PREX2: variants seen among roughly 807,000 people sequenced by gnomAD.
PREX2 encodes the protein phosphatidylinositol 3,4,5-trisphosphate-dependent Rac exchanger 2 protein.
Under a neutral mutation model 203.2 loss-of-function variants are expected in PREX2, and 107 were observed. The ratio of observed to expected loss-of-function variants is 0.53; its 90% confidence interval spans 0.45 to 0.62. PREX2 has a LOEUF of 0.62. PREX2 is among the 20% of genes least tolerant of loss of function. The probability of loss-of-function intolerance (pLI) is 0.00; values close to 1 mark genes in which losing one functional copy is unlikely to be tolerated. For missense variants in PREX2, 1,777 were observed against 1,955.9 expected (o/e 0.91, Z 1.72); for synonymous variants, 672 against 663.6 (o/e 1.01, Z -0.19).
chr8:68,190,847 T>C (rs1812278835), intron 35 of PREX2, among the ~76,000 whole-genome samples: 1 of 151,980 alleles, frequency 6.6e-6, no homozygotes. Flanking sequence ...AAAATGTAAC[T>C]ATTTTATCTC....
At chr8:68,153,779 A>G (rs1811489417) in intron 34 of PREX2, among the ~76,000 whole-genome samples, 1 of 152,164 alleles carries the variant, frequency 6.6e-6, no homozygotes. Context: ...ACAACCCTAT[A>G]CATGTGACAC....
chr8:68,183,914 T>C (rs531570400), intron 35 of PREX2, among the ~76,000 whole-genome samples: 1 of 152,204 alleles, frequency 6.6e-6, no homozygotes, highest in East Asian at 1.9e-4. Context: ...TTCTAGCAGG[T>C]TTTTTAAACA....
chr8:68,007,133 T>A (rs1807120071), intron 1 of PREX2, among the ~76,000 whole-genome samples: 1 of 152,246 alleles, frequency 6.6e-6, no homozygotes, highest in East Asian at 1.9e-4. Flanking sequence ...GGCAGCTATT[T>A]GATTCGTGAA....
At chr8:68,223,941 G>A (rs1036852435) in intron 38 of PREX2, among the ~76,000 whole-genome samples, 1 of 152,196 alleles carries the variant, frequency 6.6e-6, no homozygotes, top group South Asian at 2.1e-4. Flanking sequence ...TTCCAGAAAA[G>A]TGGTAACACA....
intron 1 of PREX2, among the ~76,000 whole-genome samples, chr8:67,988,689 G>C (rs1806508294): frequency 1.3e-5 from 2 of 152,180 alleles, no homozygotes; most frequent in Non-Finnish European, 2.9e-5. Flanking sequence ...TGGAGTCTTG[G>C]GCGTAAGTTA....
At chr8:68,052,368 T>G (rs144941747) in intron 8 of PREX2, among the ~76,000 whole-genome samples, 15 of 152,350 alleles carry the variant, frequency 9.8e-5, no homozygotes, top group African/African-American at 3.6e-4. Flanking sequence ...AGACAGCTAC[T>G]GTATAGGGTT....
intron 34 of PREX2, among the ~76,000 whole-genome samples, chr8:68,152,086 G>A (rs1326348741): frequency 2.0e-5 from 3 of 151,420 alleles, no homozygotes; most frequent in Admixed American, 6.6e-5. Context: ...TCAGGAAATC[G>A]TAGCCATCCT....
Position 67,952,723 on chromosome 8 carries a change from G to A in PREX2, c.141+188G>A, listed in dbSNP as rs1179914382. On this transcript the variant is annotated intron_variant, in intron 1 of 39. Transcript: ENST00000288368. ...CGGTGACCCCCGCGGGGATTTGTTGGTGCCCCGAGACTCACTGAGTTGCGG... is the reference window on the plus strand; with the variant it reads ...CGGTGACCCCCGCGGGGATTTGTTGATGCCCCGAGACTCACTGAGTTGCGG... The A allele has an allele frequency of 3.9e-6, 3 of 771,854 alleles. No individual in the cohort carries two copies. The East Asian group carries it at 8.3e-5, about 21-fold the overall frequency. 47.8% of individuals were successfully genotyped at this position (771,854 alleles called of 1,614,324 possible).
At chr8:68,194,187 T>G (rs899607550) in intron 37 of PREX2, among the ~76,000 whole-genome samples, 1 of 152,238 alleles carries the variant, frequency 6.6e-6, no homozygotes, top group Admixed American at 6.5e-5. Flanking sequence ...TCAATAAATA[T>G]GCATTGAGCA....
At chr8:68,171,921 C>T (rs1051841080) in intron 35 of PREX2, among the ~76,000 whole-genome samples, 12 of 152,074 alleles carry the variant, frequency 7.9e-5, no homozygotes, top group African/African-American at 2.2e-4. Flanking sequence ...AGAGATATTA[C>T]GTGATGTGAT....
At chr8:68,216,862 T>C (rs1812850570) in intron 37 of PREX2, among the ~76,000 whole-genome samples, 1 of 151,420 alleles carries the variant, frequency 6.6e-6, no homozygotes, top group Non-Finnish European at 1.5e-5. Flanking sequence ...CTTGGGAGAC[T>C]GAGGCAGGAG....
At chr8:68,229,196 CT>C (rs35765956) in intron 39 of PREX2, among the ~76,000 whole-genome samples, 39,816 of 152,022 alleles carry the variant, frequency 0.26, 5,868 homozygotes, top group South Asian at 0.46. Context: ...AAGTTCTGCT[CT>C]TGGCAGATTT....
At chr8:68,164,542 C>G (rs763765864) in intron 35 of PREX2, among the ~76,000 whole-genome samples, 15 of 151,164 alleles carry the variant, frequency 9.9e-5, no homozygotes, top group Admixed American at 2.0e-4. Flanking sequence ...CCAAGAAAAA[C>G]AGCTGGTGAT....
chr8:67,997,568 T>C (rs145165252), intron 1 of PREX2, among the ~76,000 whole-genome samples: 3 of 152,316 alleles, frequency 2.0e-5, no homozygotes, highest in Non-Finnish European at 4.4e-5. Flanking sequence ...TTTCCTTTTT[T>C]TCCCCCAAGA....
At chr8:68,229,101 C>T (rs766957557) in intron 39 of PREX2, among the ~76,000 whole-genome samples, 19 of 152,054 alleles carry the variant, frequency 1.2e-4, no homozygotes, top group African/African-American at 1.2e-4. Flanking sequence ...TTGAAAGAGG[C>T]GTTTACTTTG....
chr8:68,221,922 A>G (rs76540238), intron 38 of PREX2, among the ~76,000 whole-genome samples: 2,085 of 152,308 alleles, frequency 0.014, 59 homozygotes, highest in African/African-American at 0.048. Context: ...TTTATGTGTT[A>G]CTAAGAATGA....
intron 35 of PREX2, among the ~76,000 whole-genome samples, chr8:68,164,678 G>A (rs1274964068): frequency 1.3e-5 from 2 of 151,024 alleles, no homozygotes; most frequent in Non-Finnish European, 2.9e-5. Flanking sequence ...CACCTCCTGG[G>A]TTCAAATGAT....
At chr8:68,217,165 A>G (rs1005433600) in intron 37 of PREX2, among the ~76,000 whole-genome samples, 3 of 152,192 alleles carry the variant, frequency 2.0e-5, no homozygotes, top group East Asian at 1.9e-4. Flanking sequence ...TAAAAAATCA[A>G]TTCTGACCTC....
At chr8:68,171,517 C>A (rs963456267) in intron 35 of PREX2, among the ~76,000 whole-genome samples, 2 of 151,912 alleles carry the variant, frequency 1.3e-5, no homozygotes, top group African/African-American at 2.4e-5. Context: ...CCCTGAAATG[C>A]GATGAATATG....
Sources: gnomAD v4.1 joint callset for allele counts (sites outside exome capture counted in the v4.1 genomes callset) on GRCh38, gnomAD v4.1.1 for gene constraint, MANE v1.5 for transcripts, NCBI Gene and HGNC (gene_info 2026-07-23, HGNC 2026-07-21) for gene names.